Variants in AGAP1 observed in about 807,000 individuals in gnomAD.
The protein encoded by AGAP1 is ArfGAP with GTPase domain, ankyrin repeat and PH domain 1.
AGAP1 carries 29 observed loss-of-function variants against 105.3 expected under a neutral mutation model. That is an observed-to-expected ratio of 0.28 (90% CI 0.21 to 0.38). AGAP1 has a LOEUF of 0.38. Ranked by LOEUF, AGAP1 falls within the 10% of genes least tolerant of loss-of-function variation. AGAP1 has a pLI of 1.00. For missense variants in AGAP1, 998 were observed against 1,165.1 expected, an observed-to-expected ratio of 0.86 and a Z score of 2.09; for synonymous variants, 509 against 485.9, an observed-to-expected ratio of 1.05 and a Z score of -0.63.
intron 1 of AGAP1, among the ~76,000 whole-genome samples, chr2:235,585,238 G>T (rs1425665312): frequency 6.6e-6 from 1 of 152,182 alleles, no homozygotes; most frequent in Non-Finnish European, 1.5e-5. Flanking sequence ...CAAAGGCTGT[G>T]CTCCTTTTGG....
chr2:235,606,828 A>G (rs934539871), intron 1 of AGAP1, among the ~76,000 whole-genome samples: 3 of 151,724 alleles, frequency 2.0e-5, no homozygotes, highest in African/African-American at 7.3e-5. Flanking sequence ...GCACGCCTGC[A>G]GTCCCAGCTA....
chr2:235,599,193 G>C lies in AGAP1; in HGVS notation c.163+104344G>C, dbSNP rs1945645103. Among the ~76,000 whole-genome samples, 1 of 152,174 alleles carries C rather than the reference G, an allele frequency of 6.6e-6. No homozygotes were observed. Among genetic ancestry groups the C allele is most frequent in the African/African-American group, 2.4e-5 (1 of 41,444 alleles). ...AGCTGCTTGTAGAAGACACCCCAGGGTACGCAGCCAGTCCCTTCCACGAAT... is the reference window on the plus strand; with the variant it reads ...AGCTGCTTGTAGAAGACACCCCAGGCTACGCAGCCAGTCCCTTCCACGAAT... On this transcript the variant is annotated intron_variant, in intron 1 of 17. Coordinates refer to ENST00000304032, the MANE Select transcript of AGAP1 (RefSeq NM_001037131.3). The surrounding 1 kb of genome is among the most constrained non-coding windows in gnomAD (Gnocchi z 5.3).
Position 236,073,152 on chromosome 2 carries a change from C to T in AGAP1, c.2114+23871C>T, listed in dbSNP as rs188867086. On this transcript the variant is annotated intron_variant, in intron 16 of 17. Coordinates refer to ENST00000304032, the MANE Select transcript of AGAP1 (RefSeq NM_001037131.3). This position sits in a 1 kb window ranked among gnomAD's most constrained non-coding sequence, Gnocchi z 5.4. ...CTGGGATTACAGGCGCACGCCACCACGCCTGGCTAATTTTTGTATTTTTTA... is the reference window on the plus strand; with the variant it reads ...CTGGGATTACAGGCGCACGCCACCATGCCTGGCTAATTTTTGTATTTTTTA... 1.7e-3 allele frequency among the ~76,000 whole-genome samples: 264 copies of T among 152,176 alleles called. 1 individual carries two copies. The highest frequency in any genetic ancestry group is 6.0e-3 in the African/African-American group (251 of 41,536).
chr2:236,052,285 A>G (rs1453746440), intron 16 of AGAP1, among the ~76,000 whole-genome samples: 1 of 152,218 alleles, frequency 6.6e-6, no homozygotes, highest in African/African-American at 2.4e-5. Flanking sequence ...ACAGTGGAAT[A>G]TAATTAGAAA....
At chr2:235,802,769 AT>A (rs1245187317) in intron 8 of AGAP1, among the ~76,000 whole-genome samples, 12 of 93,830 alleles carry the variant, frequency 1.3e-4, no homozygotes, top group Non-Finnish European at 6.7e-5. Flanking sequence ...TGTGGTTGTG[AT>A]GATGGTTGTG....
At chr2:235,755,503 C>T (rs1464240053) in intron 6 of AGAP1, among the ~76,000 whole-genome samples, 5 of 152,158 alleles carry the variant, frequency 3.3e-5, no homozygotes, top group Admixed American at 1.3e-4. Context: ...TGCAGTGGCA[C>T]GATCTAGACT....
chr2:235,998,467 G>A (rs909595453), intron 13 of AGAP1, among the ~76,000 whole-genome samples: 2 of 152,176 alleles, frequency 1.3e-5, no homozygotes, highest in African/African-American at 4.8e-5. Context: ...CCTGAAAGCT[G>A]TGGGGCTTCA....
chr2:235,657,466 CCT>C (rs755703591), intron 1 of AGAP1, among the ~76,000 whole-genome samples: 13 of 152,160 alleles, frequency 8.5e-5, no homozygotes, highest in Non-Finnish European at 1.5e-4. Flanking sequence ...GCAACCTCTG[CCT>C]CTCGGGTTCA....
intron 1 of AGAP1, among the ~76,000 whole-genome samples, chr2:235,619,783 C>T (rs1272579279): frequency 6.6e-6 from 1 of 152,224 alleles, no homozygotes; most frequent in Non-Finnish European, 1.5e-5. Flanking sequence ...CACATTGTCC[C>T]AGCAGCTCAA....
chr2:236,028,338 C>T (rs980275188), intron 13 of AGAP1, among the ~76,000 whole-genome samples: 7 of 152,212 alleles, frequency 4.6e-5, no homozygotes, highest in African/African-American at 1.7e-4. Flanking sequence ...CCGTCACCTC[C>T]AGGCAAAGTG....
Position 235,793,488 on chromosome 2 carries a change from C to T in AGAP1, c.674-4271C>T, listed in dbSNP as rs1219961144. ...TCTGTTGGGGTGCTGGCAGGGTGTT[C>T]GATTGCCACATGGTGGTGTCATGAG... is the stretch of plus-strand genomic sequence containing the variant. On this transcript the variant is annotated intron_variant, in intron 6 of 17. Coordinates refer to ENST00000304032, the MANE Select transcript of AGAP1 (RefSeq NM_001037131.3). This position sits in a 1 kb window ranked among gnomAD's most constrained non-coding sequence, Gnocchi z 5.3. Among the ~76,000 whole-genome samples, 2 of 152,122 alleles carry T rather than the reference C, an allele frequency of 1.3e-5. No individual in the cohort carries two copies. The highest frequency in any genetic ancestry group is 2.9e-5 in the Non-Finnish European group (2 of 68,020).
intron 13 of AGAP1, among the ~76,000 whole-genome samples, chr2:236,029,385 C>G (rs1373511901): frequency 3.3e-5 from 5 of 151,652 alleles, no homozygotes; most frequent in Non-Finnish European, 7.4e-5. Flanking sequence ...AAGTGATTCT[C>G]CTGCCTCAGC....
At chr2:235,533,128 G>A (rs79086011) in intron 1 of AGAP1, among the ~76,000 whole-genome samples, 3,618 of 152,270 alleles carry the variant, frequency 0.024, 152 homozygotes, top group African/African-American at 0.082. Context: ...GGAGCATCGC[G>A]GATGTGGAGT....
At chr2:235,647,120 CAA>C (rs72255791) in intron 1 of AGAP1, among the ~76,000 whole-genome samples, 59,443 of 117,138 alleles carry the variant, frequency 0.51, 12,818 homozygotes, top group African/African-American at 0.62. Context: ...GACTCCGTCT[CAA>C]AAAAAAAAAA....
rs1048110593 is a variant in AGAP1, at chr2:235,953,882, C to CCA, written c.1484-14578_1484-14577dup. Among the ~76,000 whole-genome samples, 18 of 151,944 alleles carry CCA rather than the reference C, an allele frequency of 1.2e-4. No individual in the cohort carries two copies. The highest frequency in any genetic ancestry group is 4.6e-4 in the Admixed American group (7 of 15,250). On this transcript the variant is annotated intron_variant, in intron 12 of 17. Coordinates refer to ENST00000304032, the MANE Select transcript of AGAP1 (RefSeq NM_001037131.3). The surrounding 1 kb of genome is among the most constrained non-coding windows in gnomAD (Gnocchi z 5.2). Reference sequence around the variant, plus strand: ...AAGGCTGCAGTGAGCTTTGATCATGCCACTGCACTCCAGCCTGGTGAGGGT... The same window carrying CCA: ...AAGGCTGCAGTGAGCTTTGATCATGCCACACTGCACTCCAGCCTGGTGAGGGT...
intron 13 of AGAP1, among the ~76,000 whole-genome samples, chr2:235,999,600 A>AGGT (rs796324441): frequency 2.7e-5 from 3 of 110,382 alleles, no homozygotes; most frequent in African/African-American, 8.9e-5. Flanking sequence ...TGATGGTGAG[A>AGGT]GGTGGTGGTG....
Position 236,049,200 on chromosome 2 carries a change from C to T in AGAP1, c.2033C>T (p.Ser678Leu). ...CCAGTCGAGCTCATCAAGGTGATGT[C>T]ATCCATCGGGAACGAGCTAGCCAAC... ...DWPVELIKVM[S>L]SIGNELANSV... Residue 678 changes from serine to leucine, a missense_variant, in exon 16 of 18, where the codon TCA (serine) becomes TTA (leucine). Physicochemically the swap from Ser to Leu is moderately radical, Grantham distance 145 (BLOSUM62 -2). Transcript: ENST00000304032. 6.2e-7 allele frequency: 1 copy of T among 1,614,222 alleles called. No individual in the cohort carries two copies.
intron 16 of AGAP1, among the ~76,000 whole-genome samples, chr2:236,075,581 G>GT (rs2058615097): frequency 6.6e-6 from 1 of 152,084 alleles, no homozygotes. Context: ...ACCTGCCAGG[G>GT]TCTTTCAGCA....
intron 9 of AGAP1, among the ~76,000 whole-genome samples, chr2:235,826,519 G>A (rs373396330): frequency 5.6e-4 from 85 of 151,550 alleles, no homozygotes; most frequent in Non-Finnish European, 9.9e-4. Context: ...GCACGATCTC[G>A]GCTCACTGCA....
Sources: gnomAD v4.1 joint callset for allele counts (sites outside exome capture counted in the v4.1 genomes callset) on GRCh38, gnomAD v4.1.1 for gene constraint, Gnocchi (gnomAD v3.1) non-coding constraint, MANE v1.5 for transcripts, NCBI Gene and HGNC (gene_info 2026-07-23, HGNC 2026-07-21) for gene names.